Variants in TCF7L2 observed in about 807,000 individuals in gnomAD.
TCF7L2 encodes transcription factor 7-like 2.
In TCF7L2, 23 loss-of-function variants were observed where a neutral mutation model predicts 77.9. The ratio of observed to expected loss-of-function variants is 0.30; its 90% CI spans 0.21 to 0.42. The LOEUF (loss-of-function observed/expected upper bound fraction) is 0.42, where lower values mean the gene tolerates loss of function less well. Ranked by LOEUF, TCF7L2 falls within the 10% of genes least tolerant of loss-of-function variation. TCF7L2 has a pLI of 1.00. For synonymous variants in TCF7L2, 413 were observed against 340.2 expected, an observed-to-expected ratio of 1.21 and a Z score of -2.36; for missense variants, 654 against 793.1, an observed-to-expected ratio of 0.82 and a Z score of 2.11.
chr10:113,135,416 A>AT (rs1192927484), intron 5 of TCF7L2, among the ~76,000 whole-genome samples: 1 of 152,178 alleles, frequency 6.6e-6, no homozygotes, highest in Non-Finnish European at 1.5e-5. Flanking sequence ...CTCAAAACCC[A>AT]TGGAGCCTAA....
intron 5 of TCF7L2, among the ~76,000 whole-genome samples, chr10:113,102,339 T>A (rs2061756833): frequency 6.6e-6 from 1 of 151,928 alleles, no homozygotes; most frequent in Non-Finnish European, 1.5e-5. Context: ...CTTTACTTAT[T>A]AGTAGATTTG....
rs1245442373 is a variant in TCF7L2, at chr10:112,963,743, G to A, written c.382-813G>A. On this transcript the variant is annotated intron_variant, in intron 3 of 13. Transcript: ENST00000627217. ...TGAACAATCTTGCTCTTCCTATTTCGGGATACCTGCTTCATTGATGGGTGG... is the reference window on the plus strand; with the variant it reads ...TGAACAATCTTGCTCTTCCTATTTCAGGATACCTGCTTCATTGATGGGTGG... Among the ~76,000 whole-genome samples the A allele has an allele frequency of 2.6e-5, 4 of 152,102 alleles. No individual in the cohort carries two copies. The East Asian group carries it at 5.8e-4, about 22-fold the overall frequency.
rs144775566 is a variant in TCF7L2 at position 113,087,310 on chromosome 10, C to T, written c.552+47184C>T. Among the ~76,000 whole-genome samples, 15 of 152,336 alleles carry T rather than the reference C, an allele frequency of 9.8e-5. No individual in the cohort carries two copies. In the East Asian group the frequency reaches 1.5e-3, roughly 16 times the overall value. ...AACCATGGATACATTTCTTTCCCAA[C>T]GCATTCTCTGAGGCACTTTGGTAAC... On this transcript the variant is annotated intron_variant, in intron 5 of 13. Transcript: ENST00000627217.
chr10:112,966,502 A>G (rs1422715197), intron 4 of TCF7L2, among the ~76,000 whole-genome samples: 8 of 151,654 alleles, frequency 5.3e-5, no homozygotes, highest in Admixed American at 5.3e-4. Context: ...TGGATGTACA[A>G]CTCTTGGTGA....
chr10:113,138,765 G>T (rs1208818162), intron 5 of TCF7L2, among the ~76,000 whole-genome samples: 2 of 152,138 alleles, frequency 1.3e-5, no homozygotes, highest in Non-Finnish European at 2.9e-5. Context: ...CTGTGTGCGT[G>T]TGGTCCTCAT....
chr10:113,142,564 G>A (rs539717180), intron 6 of TCF7L2, among the ~76,000 whole-genome samples: 9 of 152,180 alleles, frequency 5.9e-5, no homozygotes, highest in African/African-American at 1.4e-4. Flanking sequence ...GAGGGGATTG[G>A]TAGTGTTGGG....
Position 113,040,093 on chromosome 10 carries a change from G to C in TCF7L2, c.519G>C (p.Lys173Asn), listed in dbSNP as rs1390561716. The change falls in exon 5 of 14, where the codon AAG becomes AAC. Residue 173 changes from lysine (K) to asparagine (N), a missense_variant. Lys to Asn is a moderately conservative substitution (Grantham distance 94). Transcript: ENST00000627217. ...GCCTCCAGAGTAGACAAGCCCTCAA[G>C]GATGCCCGGTCCCCATCACCGGCAC... is the stretch of plus-strand genomic sequence containing the variant. 7 of 1,613,808 alleles carry C rather than the reference G, an allele frequency of 4.3e-6. No individual in the cohort carries two copies. The highest frequency in any genetic ancestry group is 5.9e-6 in the Non-Finnish European group (7 of 1,179,916).
Position 113,005,105 on chromosome 10 carries a change from C to G in TCF7L2, c.451-34920C>G, listed in dbSNP as rs539301500. Among the ~76,000 whole-genome samples the G allele has an allele frequency of 2.6e-5, 4 of 152,302 alleles. No homozygotes were observed. The East Asian group carries it at 5.8e-4, about 22-fold the overall frequency. On this transcript the variant is annotated intron_variant, in intron 4 of 13. Coordinates refer to ENST00000627217, the MANE Select transcript of TCF7L2 (RefSeq NM_001146274.2). ...ACCGTCCAGACCATAGACACATTTC[C>G]TGGCACCTAGCACGTGTTGGGTCAA...
Position 113,166,087 on chromosome 10 carries a change from G to A in TCF7L2, c.*115G>A, listed in dbSNP as rs2074028993. The A allele has an allele frequency of 1.1e-6, 1 of 946,910 alleles. No individual in the cohort carries two copies. Among genetic ancestry groups the A allele is most frequent in the Non-Finnish European group, 1.4e-6 (1 of 703,188 alleles). The allele number at this position is 946,910 out of a possible 1,614,324, so 58.7% of individuals were successfully genotyped here. On this transcript the variant is annotated 3_prime_UTR_variant, in exon 14 of 14. Coordinates refer to ENST00000627217, the MANE Select transcript of TCF7L2 (RefSeq NM_001146274.2). ...TTGTACTCTCTTAATTTTGTGCCATGTGGCTACATTAGTTGATGTTTATCG... is the reference window on the plus strand; with the variant it reads ...TTGTACTCTCTTAATTTTGTGCCATATGGCTACATTAGTTGATGTTTATCG...
At chr10:112,974,474 C>T (rs1237866106) in intron 4 of TCF7L2, among the ~76,000 whole-genome samples, 6 of 152,058 alleles carry the variant, frequency 3.9e-5, no homozygotes, top group Non-Finnish European at 5.9e-5. Flanking sequence ...AGATGAGTCT[C>T]GCTCTGTTGC....
At chr10:112,962,278 G>C (rs1371348752) in intron 3 of TCF7L2, among the ~76,000 whole-genome samples, 1 of 152,122 alleles carries the variant, frequency 6.6e-6, no homozygotes, top group Non-Finnish European at 1.5e-5. Context: ...GAGAAGCTTG[G>C]ACAAGTTTCC....
chr10:113,162,484 A>C (rs144730745), intron 13 of TCF7L2, among the ~76,000 whole-genome samples: 94 of 151,916 alleles, frequency 6.2e-4, no homozygotes, highest in African/African-American at 2.2e-3. Context: ...ATCTTCAGAG[A>C]CCAGAATTTT....
chr10:113,082,309 C>CT (rs958542493), intron 5 of TCF7L2, among the ~76,000 whole-genome samples: 1 of 146,098 alleles, frequency 6.8e-6, no homozygotes, highest in Non-Finnish European at 1.5e-5. Flanking sequence ...CATATAATGT[C>CT]TTTTTTTAAT....
intron 4 of TCF7L2, among the ~76,000 whole-genome samples, chr10:112,985,792 A>C (rs2041383100): frequency 6.6e-6 from 1 of 151,978 alleles, no homozygotes; most frequent in African/African-American, 2.4e-5. Flanking sequence ...CTTTCCAAAA[A>C]ATGCTGGTAG....
intron 5 of TCF7L2, among the ~76,000 whole-genome samples, chr10:113,074,464 T>A (rs923830052): frequency 6.6e-6 from 1 of 152,130 alleles, no homozygotes; most frequent in East Asian, 1.9e-4. Context: ...TAGCAACATA[T>A]TAATCTTGCT....
chr10:113,057,433 AGTG>A (rs1414905996), intron 5 of TCF7L2, among the ~76,000 whole-genome samples: 2 of 152,138 alleles, frequency 1.3e-5, no homozygotes, highest in African/African-American at 4.8e-5. Flanking sequence ...GGCCTCCCGA[AGTG>A]GTGGGATTAT....
rs982801293 is a variant in TCF7L2 at position 112,964,714 on chromosome 10, AATG to A, written c.450+115_450+117del. ...CTCCGCCCCTTCCCCCAACTGAGATAATGATGATGATGATGATGATGATGATGG... is the reference window on the plus strand; with the variant it reads ...CTCCGCCCCTTCCCCCAACTGAGATAATGATGATGATGATGATGATGATGG... On this transcript the variant is annotated intron_variant, in intron 4 of 13. Coordinates refer to ENST00000627217, the MANE Select transcript of TCF7L2 (RefSeq NM_001146274.2). 3,104 of 943,698 alleles carry A rather than the reference AATG, an allele frequency of 3.3e-3. 1 individual carries two copies. The highest frequency in any genetic ancestry group is 4.2e-3 in the South Asian group (315 of 74,222). The allele number at this position is 943,698 out of a possible 1,614,324, so 58.5% of individuals were successfully genotyped here.
At chr10:113,013,369 T>C (rs1451689869) in intron 4 of TCF7L2, among the ~76,000 whole-genome samples, 1 of 152,120 alleles carries the variant, frequency 6.6e-6, no homozygotes, top group Non-Finnish European at 1.5e-5. Flanking sequence ...TCCTCCTGCC[T>C]TGACCTCCCA....
chr10:113,110,830 G>A (rs1019745411), intron 5 of TCF7L2, among the ~76,000 whole-genome samples: 2 of 152,126 alleles, frequency 1.3e-5, no homozygotes, highest in East Asian at 1.9e-4. Context: ...CTGAGTGCCC[G>A]TAATGTTTCT....
Sources: allele counts gnomAD v4.1 joint callset (sites outside exome capture counted in the v4.1 genomes callset), GRCh38; gene constraint gnomAD v4.1.1; transcripts MANE v1.5; gene names NCBI Gene and HGNC (gene_info 2026-07-23, HGNC 2026-07-21).